IL10RB: variants seen among roughly 807,000 people sequenced by gnomAD.
IL10RB encodes the protein interleukin 10 receptor subunit beta, also known as interleukin-10 receptor subunit beta.
Under a neutral mutation model 38.7 loss-of-function variants are expected in IL10RB, and 30 were observed. That is an observed-to-expected ratio of 0.78 (90% CI 0.58 to 1.05). IL10RB has a LOEUF of 1.05. IL10RB is among the 50% of genes least tolerant of loss of function. IL10RB has a pLI of 0.00. For synonymous variants in IL10RB, 142 were observed against 145.9 expected (o/e 0.97, Z 0.19); for missense variants, 328 against 397.1 (o/e 0.83, Z 1.48).
In IL10RB at chr21:33,296,846, C is replaced by G; in HGVS notation, c.*489C>G. The G allele has an allele frequency of 3.4e-6, 1 of 295,160 alleles. No homozygotes were observed. Among genetic ancestry groups the G allele is most frequent in the Non-Finnish European group, 6.6e-6 (1 of 150,970 alleles). 18.3% of individuals were successfully genotyped at this position (295,160 alleles called of 1,614,324 possible). A position where few individuals can be genotyped will look rare whatever the true frequency, so the allele number is the denominator to read the frequency against. ...GCCTATAATCCCAGCTACTCGAGTG[C>G]CTGAGGCAGGAGAATTGCATGAACC... On this transcript the variant is annotated 3_prime_UTR_variant, in exon 7 of 7. Coordinates refer to ENST00000290200, the MANE Select transcript of IL10RB (RefSeq NM_000628.5).
chr21:33,266,584 A>C, intron 1 of IL10RB, 70 bp downstream of exon 1: 1 of 1,455,450 alleles, frequency 6.9e-7, no homozygotes, highest in Non-Finnish European at 9.3e-7. Flanking sequence ...CCCTGATCCC[A>C]TCCCTGGGCG....
At chr21:33,289,349 G>A (rs1989439177) in intron 6 of IL10RB, among the ~76,000 whole-genome samples, 1 of 152,080 alleles carries the variant, frequency 6.6e-6, no homozygotes, top group South Asian at 2.1e-4. Flanking sequence ...GAGGGTTACA[G>A]GAGGAAGATG....
chr21:33,288,887 G>C (rs1406137645), intron 6 of IL10RB, among the ~76,000 whole-genome samples: 1 of 152,178 alleles, frequency 6.6e-6, no homozygotes, highest in Non-Finnish European at 1.5e-5. Flanking sequence ...GGACCCAAAG[G>C]AACTATCTTT....
At chr21:33,289,895 C>T (rs2123595449) in intron 6 of IL10RB, among the ~76,000 whole-genome samples, 1 of 152,212 alleles carries the variant, frequency 6.6e-6, no homozygotes, top group South Asian at 2.1e-4. Context: ...GGTGGATCAC[C>T]TAAGGTCAGG....
intron 6 of IL10RB, among the ~76,000 whole-genome samples, chr21:33,293,177 AGT>A (rs1195398045): frequency 1.3e-5 from 2 of 152,108 alleles, no homozygotes; most frequent in African/African-American, 4.8e-5. Flanking sequence ...CACCCTCTGC[AGT>A]GTGTGTGCCT....
intron 1 of IL10RB, among the ~76,000 whole-genome samples, chr21:33,305,117 G>C (rs961108413): frequency 6.6e-6 from 1 of 152,028 alleles, no homozygotes; most frequent in African/African-American, 2.4e-5. Context: ...AACTGTTTTT[G>C]TTGTTGTTGT....
At chr21:33,305,916 C>T (rs1280152724) in intron 1 of IL10RB, among the ~76,000 whole-genome samples, 1 of 152,110 alleles carries the variant, frequency 6.6e-6, no homozygotes, top group African/African-American at 2.4e-5. Context: ...ACTGCAATCT[C>T]CACCTCCCAG....
chr21:33,266,619 C>T, intron 1 of IL10RB, 105 bp downstream of exon 1: 1 of 1,141,358 alleles, frequency 8.8e-7, no homozygotes, highest in Non-Finnish European at 1.3e-6. Context: ...TAAGAGCCTT[C>T]GGGGCCTCGG....
rs1988941183 is a variant in IL10RB, at chr21:33,266,413, G to A, written c.-53G>A. 4 of 1,526,982 alleles carry A rather than the reference G, an allele frequency of 2.6e-6. No homozygotes were observed. Among genetic ancestry groups the A allele is most frequent in the Non-Finnish European group, 2.6e-6 (3 of 1,139,272 alleles). The allele number at this position is 1,526,982 out of a possible 1,614,324, so 94.6% of individuals were successfully genotyped here. On this transcript the variant is annotated 5_prime_UTR_variant, in exon 1 of 7. Transcript: ENST00000290200. The stretch of plus-strand genomic sequence containing the variant: ...CCGCCGCGGACAAGCTCTCCCGGGC[G>A]CGGGCGGGGGTCGTGTGCTTGGAGG...
At chr21:33,270,050 C>T (rs1197653628) in intron 2 of IL10RB, among the ~76,000 whole-genome samples, 5 of 152,176 alleles carry the variant, frequency 3.3e-5, no homozygotes, top group Non-Finnish European at 1.5e-5. Context: ...GTGTATTTCA[C>T]AAGAACAAGG....
At chr21:33,282,677 A>G (rs890931285) in intron 4 of IL10RB, among the ~76,000 whole-genome samples, 26 of 152,110 alleles carry the variant, frequency 1.7e-4, no homozygotes, top group African/African-American at 6.3e-4. Flanking sequence ...TCCACCTCCC[A>G]AGTTCAAGCG....
rs770320812 is a variant in IL10RB, at chr21:33,296,387, C to T, written c.*30C>T. ...TGAGAAGGAAACACACTCGGCTGGG[C>T]ACAGTGACGTACTCCATCTCACATC... On this transcript the variant is annotated 3_prime_UTR_variant, in exon 7 of 7. Coordinates refer to ENST00000290200, the MANE Select transcript of IL10RB (RefSeq NM_000628.5). The T allele has an allele frequency of 8.7e-6, 14 of 1,605,380 alleles. No individual in the cohort carries two copies. Among genetic ancestry groups the T allele is most frequent in the Non-Finnish European group, 1.2e-5 (14 of 1,176,694 alleles).
chr21:33,279,620 C>A, intron 3 of IL10RB, 132 bp from the exon 4 acceptor site: 1 of 783,344 alleles, frequency 1.3e-6, no homozygotes, highest in South Asian at 1.4e-5. Context: ...CCATGTCAAT[C>A]AATGTCATGA....
intron 6 of IL10RB, chr21:33,293,917 G>A (rs1989538707): frequency 4.3e-6 from 2 of 460,862 alleles, no homozygotes; most frequent in Non-Finnish European, 4.5e-6. Flanking sequence ...AATGAGGGTG[G>A]GCCCTTTGCT....
Position 33,266,372 on chromosome 21 carries a change from C to T in IL10RB, c.-94C>T, listed in dbSNP as rs556338583. 9 of 1,428,228 alleles carry T rather than the reference C, an allele frequency of 6.3e-6. No individual in the cohort carries two copies. The African/African-American group carries it at 8.7e-5, about 14-fold the overall frequency. The allele number at this position is 1,428,228 out of a possible 1,614,324, so 88.5% of individuals were successfully genotyped here. A position where few individuals can be genotyped will look rare whatever the true frequency, so the allele number is the denominator to read the frequency against. ...CTCCCCACCCCGCCCCGCCCATCTC[C>T]GCTGGTTCCCGGAAGCCGCCGCGGA... On this transcript the variant is annotated 5_prime_UTR_variant, in exon 1 of 7. Transcript: ENST00000290200.
chr21:33,278,046 CAAAAAAAAAA>C (rs58709699), intron 3 of IL10RB, among the ~76,000 whole-genome samples: 4 of 118,932 alleles, frequency 3.4e-5, no homozygotes, highest in Admixed American at 1.8e-4. Context: ...AAAAAAATAC[CAAAAAAAAAA>C]AAAAAAAAAA....
At chr21:33,290,740 A>G (rs1989469585) in intron 6 of IL10RB, among the ~76,000 whole-genome samples, 1 of 152,196 alleles carries the variant, frequency 6.6e-6, no homozygotes, top group African/African-American at 2.4e-5. Context: ...TCCTTCTTCC[A>G]GTCTGGCAGC....
Position 33,283,350 on chromosome 21 carries a change from G to A in IL10RB, c.646+109G>A, listed in dbSNP as rs45438097. 7,702 of 1,142,100 alleles carry A rather than the reference G, an allele frequency of 6.7e-3. 44 individuals are homozygous for A. The highest frequency in any genetic ancestry group is 0.028 in the Middle Eastern group (98 of 3,512). 70.7% of individuals were successfully genotyped at this position (1,142,100 alleles called of 1,614,324 possible). A position where few individuals can be genotyped will look rare whatever the true frequency, so the allele number is the denominator to read the frequency against. The stretch of plus-strand genomic sequence containing the variant: ...TTCCAGCTCAGTTCAGAAATCTATC[G>A]CCCTGACATTATCTCTCAGCCCTGA... On this transcript the variant is annotated intron_variant, in intron 5 of 6. Coordinates refer to ENST00000290200, the MANE Select transcript of IL10RB (RefSeq NM_000628.5).
In IL10RB at chr21:33,277,233, T is replaced by C. The variant is rs150859166; in HGVS notation, c.331+480T>C. Among the ~76,000 whole-genome samples the C allele has an allele frequency of 2.9e-3, 441 of 151,986 alleles. No homozygotes were observed. The Middle Eastern group carries it at 0.045, about 15-fold the overall frequency. On this transcript the variant is annotated intron_variant, in intron 3 of 6. Coordinates refer to ENST00000290200, the MANE Select transcript of IL10RB (RefSeq NM_000628.5). ...TGGCAGGTGGGTTGGGTCAGACTGG[T>C]TGGTCAGCATCAAAAATTGTTCCCA...
Sources: allele counts gnomAD v4.1 joint callset (sites outside exome capture counted in the v4.1 genomes callset), GRCh38; gene constraint gnomAD v4.1.1; transcripts MANE v1.5; gene names NCBI Gene and HGNC (gene_info 2026-07-23, HGNC 2026-07-21).